Variants in MYO5A observed in about 807,000 individuals in gnomAD.
MYO5A encodes the protein unconventional myosin-Va.
Under a neutral mutation model 249.7 loss-of-function variants are expected in MYO5A, and 98 were observed. The ratio of observed to expected loss-of-function variants is 0.39; its 90% confidence interval spans 0.33 to 0.46. MYO5A has a LOEUF of 0.46. MYO5A is among the 20% of genes least tolerant of loss of function. The pLI is 0.98. For missense variants in MYO5A, 1,696 were observed against 2,308.8 expected (o/e 0.73, Z 5.44); for synonymous variants, 778 against 810.6 (o/e 0.96, Z 0.68).
intron 1 of MYO5A, chr15:52,437,879 A>C (rs2075700660): frequency 4.6e-6 from 1 of 215,274 alleles, no homozygotes; most frequent in Admixed American, 6.5e-5. Flanking sequence ...CTTACAGATA[A>C]GCAGTGGGAG....
chr15:52,391,887 C>G, intron 12 of MYO5A, 43 bp downstream of exon 12: 1 of 1,590,754 alleles, frequency 6.3e-7, no homozygotes, highest in East Asian at 2.2e-5. Flanking sequence ...GACCTTGATA[C>G]ATCTATTTTG....
intron 11 of MYO5A, among the ~76,000 whole-genome samples, chr15:52,393,821 A>C (rs192170280): frequency 5.3e-5 from 8 of 152,354 alleles, no homozygotes; most frequent in Non-Finnish European, 1.0e-4. Context: ...TGAGAAGGCA[A>C]ATAGGGCACC....
chr15:52,472,080 ATT>A (rs71130164), intron 1 of MYO5A, among the ~76,000 whole-genome samples: 241 of 139,490 alleles, frequency 1.7e-3, no homozygotes, highest in East Asian at 2.5e-3. Context: ...TTATCCTGAC[ATT>A]TTTTTTTTTT....
chr15:52,360,263 G>T (rs927892363), intron 24 of MYO5A, among the ~76,000 whole-genome samples, 182 bp from the exon 25 acceptor site: 12 of 152,172 alleles, frequency 7.9e-5, no homozygotes, highest in African/African-American at 2.9e-4. Flanking sequence ...AAAGAAAAAG[G>T]TACACTGGCA....
chr15:52,435,339 C>T (rs968916146), intron 1 of MYO5A, among the ~76,000 whole-genome samples: 1 of 144,130 alleles, frequency 6.9e-6, no homozygotes, highest in African/African-American at 2.6e-5. Flanking sequence ...TGCAGTGGCA[C>T]GATCTCGGCT....
intron 1 of MYO5A, among the ~76,000 whole-genome samples, chr15:52,518,264 C>CAA (rs36190580): frequency 6.1e-4 from 66 of 107,734 alleles, no homozygotes; most frequent in African/African-American, 2.2e-3. Flanking sequence ...ACCCCTCCCA[C>CAA]AAAAAAAAAA....
chr15:52,520,198 T>C (rs964740142), intron 1 of MYO5A, among the ~76,000 whole-genome samples: 1 of 152,142 alleles, frequency 6.6e-6, no homozygotes, highest in Non-Finnish European at 1.5e-5. Context: ...CTGAGGGTAG[T>C]TGTTTATTTT....
chr15:52,319,884 TAAG>T (rs1020701615), intron 38 of MYO5A, among the ~76,000 whole-genome samples: 3 of 152,220 alleles, frequency 2.0e-5, no homozygotes, highest in African/African-American at 2.4e-5. Flanking sequence ...TTTTCTAAAA[TAAG>T]AAGCGTTAAG....
chr15:52,365,018 T>C (rs1447494627), intron 23 of MYO5A, among the ~76,000 whole-genome samples: 4 of 152,206 alleles, frequency 2.6e-5, no homozygotes, highest in African/African-American at 9.6e-5. Flanking sequence ...AGTGTACATA[T>C]TTTTATTCCA....
intron 1 of MYO5A, among the ~76,000 whole-genome samples, chr15:52,460,852 AAAT>A (rs1426181306): frequency 6.6e-6 from 1 of 152,354 alleles, no homozygotes; most frequent in African/African-American, 2.4e-5. Flanking sequence ...ATTTTAAATA[AAAT>A]AATATCATAA....
In MYO5A at chr15:52,327,967, C is replaced by G; in HGVS notation, c.4595G>C (p.Gly1532Ala). 1 of 1,613,608 alleles carries G rather than the reference C, an allele frequency of 6.2e-7. No individual in the cohort carries two copies. The highest frequency in any genetic ancestry group is 8.5e-7 in the Non-Finnish European group (1 of 1,179,688). ...PRGVAVNLIP[G>A]LPAYILFMCV... ...CATGAACAGGATATATGCCGGTAAT[C>G]CTGGAATCAAATTGACTGCTACACC... is the stretch of plus-strand genomic sequence containing the variant. Residue 1532 changes from glycine (G) to alanine (A), a missense_variant, in exon 36 of 42, where the codon GGA becomes GCA. Coordinates refer to ENST00000399233, the MANE Select transcript of MYO5A (RefSeq NM_001382347.1).
At chr15:52,443,844 G>A (rs188329357) in intron 1 of MYO5A, among the ~76,000 whole-genome samples, 1 of 151,932 alleles carries the variant, frequency 6.6e-6, no homozygotes, top group Non-Finnish European at 1.5e-5. Flanking sequence ...AACTGGGAGT[G>A]GTGACACGCA....
chr15:52,423,360 G>A (rs1002508566), intron 4 of MYO5A, among the ~76,000 whole-genome samples: 2 of 152,026 alleles, frequency 1.3e-5, no homozygotes, highest in African/African-American at 4.8e-5. Context: ...AGACCAACCT[G>A]GCTAACACAG....
intron 1 of MYO5A, among the ~76,000 whole-genome samples, chr15:52,442,623 C>G (rs767137232): frequency 2.0e-5 from 3 of 152,118 alleles, no homozygotes; most frequent in Non-Finnish European, 4.4e-5. Flanking sequence ...AATAACTAAC[C>G]CCAGTACTAA....
At chr15:52,488,564 T>C (rs979251438) in intron 1 of MYO5A, among the ~76,000 whole-genome samples, 1 of 152,186 alleles carries the variant, frequency 6.6e-6, no homozygotes, top group African/African-American at 2.4e-5. Context: ...ATAAAGTACA[T>C]AGAAAGGCAT....
In MYO5A at chr15:52,367,018, A is replaced by G. The variant is rs771108622; in HGVS notation, c.3160+13T>C. Reference sequence around the variant, plus strand: ...TGAGGTTGGTTGGCGTGTAGTACGCATATAAGCTTTACCTGTCATCTCCTT... The same window carrying G: ...TGAGGTTGGTTGGCGTGTAGTACGCGTATAAGCTTTACCTGTCATCTCCTT... On this transcript the variant is annotated intron_variant, in intron 23 of 41. Coordinates refer to ENST00000399233, the MANE Select transcript of MYO5A (RefSeq NM_001382347.1). 5.0e-6 allele frequency: 8 copies of G among 1,610,966 alleles called. No individual in the cohort carries two copies. In the Admixed American group the frequency reaches 5.0e-5, roughly 10 times the overall value.
rs146761318 is a variant in MYO5A at position 52,404,566 on chromosome 15, T to C, written c.1053+721A>G. The stretch of plus-strand genomic sequence containing the variant: ...CTCTATCCACAAGGACTTCAAATCC[T>C]AGTGGGTAAAGGCAAGCAGGAGAGA... On this transcript the variant is annotated intron_variant, in intron 9 of 41. Transcript: ENST00000399233. 1.1e-3 allele frequency among the ~76,000 whole-genome samples: 164 copies of C among 152,204 alleles called. 1 individual carries two copies. The Middle Eastern group carries it at 0.014, about 13-fold the overall frequency.
rs1189860883 is a variant in MYO5A, at chr15:52,405,270, G to T, written c.1053+17C>A. 1.9e-6 allele frequency: 3 copies of T among 1,565,324 alleles called. No individual in the cohort carries two copies. The highest frequency in any genetic ancestry group is 2.6e-6 in the Non-Finnish European group (3 of 1,135,862). On this transcript the variant is annotated intron_variant, in intron 9 of 41. Transcript: ENST00000399233. ...ATAATTCAACTGCCATCCCACTAAA[G>T]CTTATTCTGAACTTACAGGTATTGT...
At chr15:52,369,839 T>G (rs2041008362) in intron 22 of MYO5A, among the ~76,000 whole-genome samples, 1 of 151,580 alleles carries the variant, frequency 6.6e-6, no homozygotes, top group Non-Finnish European at 1.5e-5. Context: ...ACTGACTTTT[T>G]TTTTAAAAGG....
Sources: gnomAD v4.1 joint callset for allele counts (sites outside exome capture counted in the v4.1 genomes callset) on GRCh38, gnomAD v4.1.1 for gene constraint, MANE v1.5 for transcripts, NCBI Gene and HGNC (gene_info 2026-07-23, HGNC 2026-07-21) for gene names.